Variants in TJP2 observed in about 807,000 individuals in gnomAD.
TJP2 encodes tight junction protein 2, also known as Friedreich ataxia region gene X104 (tight junction protein ZO-2).
In TJP2, 91 loss-of-function variants were observed where a neutral mutation model predicts 133.1. The ratio of observed to expected loss-of-function variants is 0.68; its 90% CI spans 0.58 to 0.81. TJP2 has a LOEUF of 0.81. Ranked by LOEUF, TJP2 falls within the 40% of genes least tolerant of loss-of-function variation. TJP2 has a pLI of 0.00. For missense variants in TJP2, 1,541 were observed against 1,565.6 expected, an observed-to-expected ratio of 0.98 and a Z score of 0.26; for synonymous variants, 592 against 583.4, an observed-to-expected ratio of 1.01 and a Z score of -0.21.
chr9:69,248,220 A>T lies in TJP2; in HGVS notation c.2876A>T (p.Glu959Val). 1 of 1,595,984 alleles carries T rather than the reference A, an allele frequency of 6.3e-7. No homozygotes were observed. The highest frequency in any genetic ancestry group is 8.5e-7 in the Non-Finnish European group (1 of 1,170,140). Residue 959 changes from glutamate (E) to valine (V), a missense_variant, in exon 19 of 23, where the codon GAG becomes GTG. Transcript: ENST00000377245. The stretch of plus-strand genomic sequence containing the variant: ...CGCTCCTCGGAGCCGGTGCAGCACG[A>T]GGAGGTGAGGCGAGGCAGGCCACGG... ...ITRSSEPVQH[E>V]ESIRKPSPEP...
At chr9:69,191,049 A>G (rs1328385901) in intron 1 of TJP2, among the ~76,000 whole-genome samples, 1 of 152,168 alleles carries the variant, frequency 6.6e-6, no homozygotes, top group Admixed American at 6.5e-5. Context: ...TTGTGGGAAG[A>G]TGCTGGCTGC....
intron 1 of TJP2, among the ~76,000 whole-genome samples, chr9:69,200,711 A>G (rs942840426): frequency 5.3e-5 from 8 of 152,168 alleles, no homozygotes; most frequent in Admixed American, 4.6e-4. Flanking sequence ...TTCACATTTT[A>G]TGTAGTTGCT....
chr9:69,225,860 A>G (rs1200637858), intron 6 of TJP2, among the ~76,000 whole-genome samples, 162 bp from the exon 7 acceptor site: 3 of 152,242 alleles, frequency 2.0e-5, no homozygotes. Context: ...ATGCAGGATT[A>G]TATTTAATTT....
chr9:69,246,472 A>G (rs1247827031), intron 17 of TJP2: 2 of 542,764 alleles, frequency 3.7e-6, no homozygotes, highest in African/African-American at 1.9e-5. Flanking sequence ...TTTTAGCTTT[A>G]TCACATCCAC....
intron 20 of TJP2, 61 bp from the exon 21 acceptor site, chr9:69,250,974 A>C: frequency 6.8e-7 from 1 of 1,461,456 alleles, no homozygotes; most frequent in Non-Finnish European, 9.6e-7. Flanking sequence ...TTAAATCACT[A>C]ATATAGATTT....
At chr9:69,165,313 T>A (rs888417614) in intron 2 of TJP2, among the ~76,000 whole-genome samples, 1 of 152,098 alleles carries the variant, frequency 6.6e-6, no homozygotes, top group African/African-American at 2.4e-5. Flanking sequence ...ATTATTTTTA[T>A]TTTTTGTAGA....
At chr9:69,145,760 TAACAA>T in intron 1 of TJP2, 1 of 1,232,046 alleles carries the variant, frequency 8.1e-7, no homozygotes. Flanking sequence ...TTACCCCACT[TAACAA>T]AAGAGAACTT....
chr9:69,177,040 A>G (rs932485172), intron 1 of TJP2, among the ~76,000 whole-genome samples: 13 of 152,224 alleles, frequency 8.5e-5, no homozygotes, highest in African/African-American at 2.9e-4. Flanking sequence ...TACCAACAAT[A>G]TGAGCCACCA....
At position 69,227,712 on chromosome 9, in the gene TJP2, G is replaced by A. The variant is rs2133325447; in HGVS notation, c.1211-53G>A. The A allele has an allele frequency of 4.8e-6, 6 of 1,255,130 alleles. 1 individual carries two copies. In the Middle Eastern group the frequency reaches 1.1e-3, roughly 221 times the overall value. The allele number at this position is 1,255,130 out of a possible 1,614,324, so 77.7% of individuals were successfully genotyped here. On this transcript the variant is annotated intron_variant, in intron 7 of 22. Coordinates refer to ENST00000377245, the MANE Select transcript of TJP2 (RefSeq NM_004817.4). The stretch of plus-strand genomic sequence containing the variant: ...GAGAATAGTGCAATTTCTCTGGGTA[G>A]GAGAATATTTTAAATATTTTATTTA...
At chr9:69,202,022 G>T (rs1403288512) in intron 1 of TJP2, among the ~76,000 whole-genome samples, 2 of 152,178 alleles carry the variant, frequency 1.3e-5, no homozygotes, top group Non-Finnish European at 2.9e-5. Flanking sequence ...AAGAGTTCTT[G>T]AGTTCAGTAT....
intron 1 of TJP2, among the ~76,000 whole-genome samples, chr9:69,133,244 G>A (rs545999047): frequency 2.0e-5 from 3 of 152,294 alleles, no homozygotes; most frequent in East Asian, 3.9e-4. Flanking sequence ...TTACAGGCAT[G>A]AGCCACTGTG....
rs1828849301 is a variant in TJP2, at chr9:69,221,453, G to A, written c.909G>A (p.Pro303=). The A allele has an allele frequency of 2.5e-6, 4 of 1,596,004 alleles. No individual in the cohort carries two copies. Among genetic ancestry groups the A allele is most frequent in the South Asian group, 1.1e-5 (1 of 88,396 alleles). Residue 303 remains proline, a synonymous_variant, in exon 5 of 23, where the codon CCG becomes CCA. Coordinates refer to ENST00000377245, the MANE Select transcript of TJP2 (RefSeq NM_004817.4). ...CCAGCCCCGAGCCTAGGGGGCGGCC[G>A]GGGCCCATCGGGGTCCTCCTGATGA... is the stretch of plus-strand genomic sequence containing the variant. ...RSPSPEPRGR[P]GPIGVLLMKS... is the part of the protein sequence containing the mutation.
At chr9:69,247,864 T>C in intron 18 of TJP2, 148 bp from the exon 19 acceptor site, 3 of 755,376 alleles carry the variant, frequency 4.0e-6, no homozygotes, top group Non-Finnish European at 6.1e-6. Context: ...CAAAGCCAAG[T>C]GATCTCAGGG....
intron 1 of TJP2, among the ~76,000 whole-genome samples, chr9:69,184,947 T>A (rs1350263011): frequency 6.6e-6 from 1 of 152,084 alleles, no homozygotes; most frequent in Non-Finnish European, 1.5e-5. Context: ...ATGAGGTCTG[T>A]CTATGTTGCC....
intron 2 of TJP2, among the ~76,000 whole-genome samples, chr9:69,162,641 A>G (rs1251446947): frequency 6.6e-6 from 1 of 152,270 alleles, no homozygotes; most frequent in Non-Finnish European, 1.5e-5. Flanking sequence ...CTAGTTCATG[A>G]AACAAATAGT....
intron 20 of TJP2, 186 bp downstream of exon 20, chr9:69,249,671 A>G (rs528397925): frequency 1.1e-4 from 111 of 985,462 alleles, no homozygotes; most frequent in Non-Finnish European, 1.3e-4. Flanking sequence ...AAGGGCAAAA[A>G]GGAAGGAAAG....
rs142699070 is a variant in TJP2, at chr9:69,200,454, C to G, written c.61-12094C>G. The stretch of plus-strand genomic sequence containing the variant: ...CAAGGCTGGAGTGTGGTGGCATGAT[C>G]ATAGCTCACTGTAGCCTCCAACTCC... On this transcript the variant is annotated intron_variant, in intron 1 of 22. Coordinates refer to ENST00000377245, the MANE Select transcript of TJP2 (RefSeq NM_004817.4). Among the ~76,000 whole-genome samples the G allele has an allele frequency of 1.2e-4, 18 of 152,308 alleles. No individual in the cohort carries two copies. In the East Asian group the frequency reaches 2.5e-3, roughly 21 times the overall value.
chr9:69,234,367 G>GTT lies in TJP2; in HGVS notation c.1672-67_1672-66dup, dbSNP rs202132958. 1,054 of 1,206,432 alleles carry GTT rather than the reference G, an allele frequency of 8.7e-4. 10 individuals are homozygous for GTT. In the African/African-American group the frequency reaches 0.017, roughly 20 times the overall value. 74.7% of individuals were successfully genotyped at this position (1,206,432 alleles called of 1,614,324 possible). A position where few individuals can be genotyped will look rare whatever the true frequency, so the allele number is the denominator to read the frequency against. ...GTGGCATCTTACTATAAACTTCTCT[G>GTT]TTTTTTCTTTCTTTCTTTCTTTCTT... On this transcript the variant is annotated intron_variant, in intron 11 of 22. Coordinates refer to ENST00000377245, the MANE Select transcript of TJP2 (RefSeq NM_004817.4).
At chr9:69,136,866 GGAAACA>G (rs1822755321) in intron 1 of TJP2, among the ~76,000 whole-genome samples, 1 of 152,148 alleles carries the variant, frequency 6.6e-6, no homozygotes, top group Non-Finnish European at 1.5e-5. Flanking sequence ...TGGATTCACT[GGAAACA>G]GATTTGGGAA....
Sources: allele counts gnomAD v4.1 joint callset (sites outside exome capture counted in the v4.1 genomes callset), GRCh38; gene constraint gnomAD v4.1.1; transcripts MANE v1.5; gene names NCBI Gene and HGNC (gene_info 2026-07-23, HGNC 2026-07-21).